UNC13C: variants seen among roughly 807,000 people sequenced by gnomAD.
The protein encoded by UNC13C is unc-13 homolog C.
Under a neutral mutation model 245.4 loss-of-function variants are expected in UNC13C, and 174 were observed. The observed-to-expected ratio is 0.71, with a 90% CI of 0.63 to 0.80. The LOEUF is 0.80. Among genes scored for constraint, UNC13C ranks in the 30% least tolerant of loss-of-function variants. The probability of loss-of-function intolerance (pLI) is 0.00; values close to 1 mark genes in which losing one functional copy is unlikely to be tolerated. For synonymous variants in UNC13C, 992 were observed against 895.1 expected (o/e 1.11, Z -1.93); for missense variants, 2,829 against 2,602.9 (o/e 1.09, Z -1.89).
chr15:54,064,081 C>CTT (rs369188815), intron 2 of UNC13C, among the ~76,000 whole-genome samples: 4 of 149,338 alleles, frequency 2.7e-5, no homozygotes, highest in South Asian at 2.1e-4. Context: ...TTTTCTTCTT[C>CTT]TTTTTTTTTT....
At chr15:54,152,423 A>G (rs1403312786) in intron 4 of UNC13C, among the ~76,000 whole-genome samples, 2 of 152,212 alleles carry the variant, frequency 1.3e-5, no homozygotes, top group Non-Finnish European at 2.9e-5. Flanking sequence ...ATATATTAGT[A>G]TACATTTCAG....
At chr15:54,284,871 A>C (rs187766487) in intron 10 of UNC13C, among the ~76,000 whole-genome samples, 1 of 152,166 alleles carries the variant, frequency 6.6e-6, no homozygotes, top group Non-Finnish European at 1.5e-5. Context: ...TTTATTAGTC[A>C]TCAAAACAGC....
intron 2 of UNC13C, among the ~76,000 whole-genome samples, chr15:54,063,532 C>G (rs907765904): frequency 1.3e-5 from 2 of 151,978 alleles, no homozygotes; most frequent in Non-Finnish European, 2.9e-5. Context: ...TTAACATCCT[C>G]ACTTACTTCT....
intron 17 of UNC13C, among the ~76,000 whole-genome samples, chr15:54,378,596 T>A (rs2039655679): frequency 6.6e-6 from 1 of 151,532 alleles, no homozygotes; most frequent in Non-Finnish European, 1.5e-5. Context: ...ACACTTGCTA[T>A]AACTATCAGA....
At chr15:53,935,040 G>T in the UNC13C span, among the ~76,000 whole-genome samples, 1 of 152,118 alleles carries the variant, frequency 6.6e-6, no homozygotes, top group Non-Finnish European at 1.5e-5. Context: ...AGGATGCAGA[G>T]ATGAGAAGAG....
rs888495604 is a variant in UNC13C, at chr15:54,627,721, A to G, written c.*608A>G. 4 of 152,510 alleles carry G rather than the reference A, an allele frequency of 2.6e-5. No homozygotes were observed. The highest frequency in any genetic ancestry group is 9.6e-5 in the African/African-American group (4 of 41,452). 9.4% of individuals were successfully genotyped at this position (152,510 alleles called of 1,614,324 possible). A position where few individuals can be genotyped will look rare whatever the true frequency, so the allele number is the denominator to read the frequency against. ...CTGTTAAAGCAAACTTACATAAAGC[A>G]ATGCTAGAGTTTGTTAACAATGTTT... On this transcript the variant is annotated 3_prime_UTR_variant, in exon 33 of 33. Coordinates refer to ENST00000260323, the MANE Select transcript of UNC13C (RefSeq NM_001080534.3).
intron 19 of UNC13C, among the ~76,000 whole-genome samples, chr15:54,487,971 A>C (rs919258364): frequency 2.0e-5 from 3 of 151,932 alleles, no homozygotes; most frequent in Non-Finnish European, 4.4e-5. Flanking sequence ...TTAACACTAT[A>C]GCTTACTTTT....
At chr15:54,424,136 C>G (rs528661090) in intron 19 of UNC13C, among the ~76,000 whole-genome samples, 1 of 151,788 alleles carries the variant, frequency 6.6e-6, no homozygotes, top group South Asian at 2.1e-4. Flanking sequence ...GTAAATTTGG[C>G]TGTCTCCTCA....
the UNC13C span, among the ~76,000 whole-genome samples, chr15:53,885,381 A>G: frequency 6.6e-6 from 1 of 152,210 alleles, no homozygotes; most frequent in Non-Finnish European, 1.5e-5. Context: ...TTCTCCTTTA[A>G]AGACCCTTAT....
At chr15:54,342,462 G>C (rs896809926) in intron 17 of UNC13C, among the ~76,000 whole-genome samples, 3 of 151,832 alleles carry the variant, frequency 2.0e-5, no homozygotes, top group African/African-American at 7.3e-5. Context: ...CTACTTAGGA[G>C]GTTAAGGTGG....
intron 19 of UNC13C, among the ~76,000 whole-genome samples, chr15:54,459,665 T>C (rs989787440): frequency 6.6e-6 from 1 of 152,190 alleles, no homozygotes; most frequent in Non-Finnish European, 1.5e-5. Context: ...AGTTCATTCT[T>C]CTACTTGTTC....
At chr15:54,532,688 C>T (rs1895807274) in intron 25 of UNC13C, among the ~76,000 whole-genome samples, 1 of 152,124 alleles carries the variant, frequency 6.6e-6, no homozygotes, top group Admixed American at 6.5e-5. Flanking sequence ...TGAACCTCCA[C>T]TCAAATTAAT....
chr15:54,245,138 C>G (rs892386285), intron 7 of UNC13C, among the ~76,000 whole-genome samples: 1 of 152,012 alleles, frequency 6.6e-6, no homozygotes, highest in Admixed American at 6.6e-5. Flanking sequence ...TGTAGAAATC[C>G]ATAGTATTTT....
At chr15:54,449,152 T>C (rs1366974584) in intron 19 of UNC13C, among the ~76,000 whole-genome samples, 2 of 152,224 alleles carry the variant, frequency 1.3e-5, no homozygotes, top group Non-Finnish European at 2.9e-5. Flanking sequence ...CCACTGTTAG[T>C]CTTATGGGCT....
chr15:54,585,428 G>C (rs542391752), intron 30 of UNC13C, among the ~76,000 whole-genome samples: 3 of 152,154 alleles, frequency 2.0e-5, no homozygotes, highest in Non-Finnish European at 4.4e-5. Flanking sequence ...GCAGATGCTG[G>C]TGCTGTGCTT....
rs2040493134 is a variant in UNC13C, at chr15:54,415,139, A to G, written c.4933+72A>G. 5 of 1,108,896 alleles carry G rather than the reference A, an allele frequency of 4.5e-6. No homozygotes were observed. The South Asian group carries it at 7.7e-5, about 17-fold the overall frequency. The allele number at this position is 1,108,896 out of a possible 1,614,324, so 68.7% of individuals were successfully genotyped here. A position where few individuals can be genotyped will look rare whatever the true frequency, so the allele number is the denominator to read the frequency against. ...TGGTGATATTGTGTTCTTGGCTTTAAATGTTGAGAATTGAAACATTAAAAC... is the reference window on the plus strand; with the variant it reads ...TGGTGATATTGTGTTCTTGGCTTTAGATGTTGAGAATTGAAACATTAAAAC... On this transcript the variant is annotated intron_variant, in intron 19 of 32. Coordinates refer to ENST00000260323, the MANE Select transcript of UNC13C (RefSeq NM_001080534.3).
intron 30 of UNC13C, among the ~76,000 whole-genome samples, chr15:54,586,503 C>T (rs1898499644): frequency 6.6e-6 from 1 of 152,118 alleles, no homozygotes; most frequent in Non-Finnish European, 1.5e-5. Flanking sequence ...AAAAGGACAC[C>T]AGTTCTATCA....
rs1214014395 is a variant in UNC13C, at chr15:54,455,205, CTATATA to C, written c.4934-39375_4934-39370del. ...TCTCTCTCTCTCTCTCTCTCTCTCT[CTATATA>C]TATATATATATATATATATATATAT... On this transcript the variant is annotated intron_variant, in intron 19 of 32. Coordinates refer to ENST00000260323, the MANE Select transcript of UNC13C (RefSeq NM_001080534.3). Among the ~76,000 whole-genome samples the C allele has an allele frequency of 9.2e-3, 175 of 18,940 alleles. 9 individuals carry two copies. The highest frequency in any genetic ancestry group is 0.025 in the South Asian group (6 of 238). 12.4% of individuals were successfully genotyped at this position (18,940 alleles called of 152,430 possible).
At chr15:54,479,195 A>G (rs886317867) in intron 19 of UNC13C, among the ~76,000 whole-genome samples, 4 of 151,958 alleles carry the variant, frequency 2.6e-5, no homozygotes, top group Admixed American at 2.0e-4. Context: ...CCCGACTATT[A>G]TTTTATGGGG....
Sources: allele counts gnomAD v4.1 joint callset (sites outside exome capture counted in the v4.1 genomes callset), GRCh38; gene constraint gnomAD v4.1.1; transcripts MANE v1.5; gene names NCBI Gene and HGNC (gene_info 2026-07-23, HGNC 2026-07-21).